The following PTPRD variants were observed in gnomAD, a reference collection of about 807,000 sequenced individuals.
PTPRD encodes the protein receptor-type tyrosine-protein phosphatase delta.
PTPRD carries 34 observed loss-of-function variants against 214.5 expected under a neutral mutation model. The observed-to-expected ratio is 0.16, with a 90% confidence interval of 0.12 to 0.21. The LOEUF (loss-of-function observed/expected upper bound fraction) is 0.21. Among genes scored for constraint, PTPRD ranks in the 10% least tolerant of loss-of-function variants. The pLI, the probability that PTPRD is intolerant of heterozygous loss-of-function variation, is 1.00. For synonymous variants in PTPRD, 1,128 were observed against 845.7 expected, an observed-to-expected ratio of 1.33 and a Z score of -5.79; for missense variants, 2,545 against 2,398.7, an observed-to-expected ratio of 1.06 and a Z score of -1.27.
At chr9:9,242,250 C>T (rs542662464) in intron 9 of PTPRD, among the ~76,000 whole-genome samples, 3 of 152,182 alleles carry the variant, frequency 2.0e-5, no homozygotes, top group East Asian at 1.9e-4. Flanking sequence ...GTGAGTAACC[C>T]GACCTTTCTC....
chr9:9,073,080 A>T (rs2154411392), intron 10 of PTPRD, among the ~76,000 whole-genome samples: 1 of 152,310 alleles, frequency 6.6e-6, no homozygotes, highest in African/African-American at 2.4e-5. Context: ...ATCAGTGGAG[A>T]AATAAAAAGG....
chr9:9,247,252 C>T (rs1443422683), intron 9 of PTPRD, among the ~76,000 whole-genome samples: 5 of 151,986 alleles, frequency 3.3e-5, no homozygotes, highest in Non-Finnish European at 5.9e-5. Context: ...TCAAGAAGAA[C>T]CTGCACAGAC....
intron 2 of PTPRD, among the ~76,000 whole-genome samples, chr9:10,341,834 C>A (rs78495997): frequency 6.6e-6 from 1 of 151,042 alleles, no homozygotes; most frequent in Non-Finnish European, 1.5e-5. Flanking sequence ...AATATTAATT[C>A]TTTTTTCCCC....
chr9:9,069,344 T>C (rs1047996675), intron 10 of PTPRD, among the ~76,000 whole-genome samples: 1 of 152,218 alleles, frequency 6.6e-6, no homozygotes, highest in African/African-American at 2.4e-5. Flanking sequence ...GCCACAGTAG[T>C]ATTCACACAC....
intron 12 of PTPRD, among the ~76,000 whole-genome samples, chr9:8,669,849 G>C (rs2097246849): frequency 1.3e-5 from 2 of 152,164 alleles, no homozygotes; most frequent in South Asian, 4.2e-4. Context: ...TTTGAAGCTA[G>C]AGAGTGAGCA....
At chr9:9,019,086 A>G (rs779794846) in intron 10 of PTPRD, among the ~76,000 whole-genome samples, 1 of 152,116 alleles carries the variant, frequency 6.6e-6, no homozygotes, top group Non-Finnish European at 1.5e-5. Context: ...AACTTGTGCT[A>G]GAAAAACCTA....
intron 8 of PTPRD, among the ~76,000 whole-genome samples, chr9:9,527,955 A>T (rs2074524337): frequency 6.6e-6 from 1 of 152,224 alleles, no homozygotes; most frequent in Non-Finnish European, 1.5e-5. Context: ...GCATTGGATA[A>T]CAAGTAGTGT....
chr9:8,608,048 G>A (rs1564684317), intron 14 of PTPRD, among the ~76,000 whole-genome samples: 1 of 151,990 alleles, frequency 6.6e-6, no homozygotes. Context: ...ATTCTAATCC[G>A]ATAACCCAGT....
intron 4 of PTPRD, among the ~76,000 whole-genome samples, chr9:9,955,527 T>TTTTG (rs1491472122): frequency 1.7e-5 from 2 of 119,406 alleles, no homozygotes; most frequent in African/African-American, 7.2e-5. Flanking sequence ...TTTTGTTTTG[T>TTTTG]TTTTTTTTTT....
chr9:9,548,667 G>A (rs545802131), intron 8 of PTPRD, among the ~76,000 whole-genome samples: 2 of 151,776 alleles, frequency 1.3e-5, no homozygotes, highest in African/African-American at 4.8e-5. Context: ...AAAAGCAAAA[G>A]TATGATAAAA....
intron 10 of PTPRD, among the ~76,000 whole-genome samples, chr9:9,095,173 G>T (rs2099781735): frequency 6.6e-6 from 1 of 151,960 alleles, no homozygotes; most frequent in Admixed American, 6.6e-5. Context: ...AAAAACGGAA[G>T]ATTTTCTTCC....
chr9:9,817,586 A>C (rs1241252916), intron 5 of PTPRD, among the ~76,000 whole-genome samples: 1 of 152,156 alleles, frequency 6.6e-6, no homozygotes, highest in Non-Finnish European at 1.5e-5. Flanking sequence ...TCCATAAAAA[A>C]CTGAATGTAA....
rs73420443 is a variant in PTPRD, at chr9:8,403,079, G to A, written c.4210+1458C>T. Among the ~76,000 whole-genome samples, 351 of 152,210 alleles carry A rather than the reference G, an allele frequency of 2.3e-3. 1 individual carries two copies. Among genetic ancestry groups the A allele is most frequent in the African/African-American group, 8.3e-3 (345 of 41,540 alleles). On this transcript the variant is annotated intron_variant, in intron 36 of 45. Coordinates refer to ENST00000381196, the MANE Select transcript of PTPRD (RefSeq NM_002839.4). ...GATAGTTTTTCTTCCCAAAAAAACT[G>A]GAAACAAATGTATTAATGGCCTATG...
At chr9:10,587,630 G>A (rs1036520165) in intron 2 of PTPRD, among the ~76,000 whole-genome samples, 1 of 152,008 alleles carries the variant, frequency 6.6e-6, no homozygotes, top group Non-Finnish European at 1.5e-5. Context: ...CTGAGATTTG[G>A]AGAAGCCAAA....
At chr9:8,649,318 T>G (rs2096757911) in intron 12 of PTPRD, among the ~76,000 whole-genome samples, 1 of 152,236 alleles carries the variant, frequency 6.6e-6, no homozygotes, top group African/African-American at 2.4e-5. Flanking sequence ...TTTGTAACGC[T>G]TGCCTTCCAA....
intron 9 of PTPRD, among the ~76,000 whole-genome samples, chr9:9,309,208 T>G (rs1958106174): frequency 6.6e-6 from 1 of 151,972 alleles, no homozygotes; most frequent in Non-Finnish European, 1.5e-5. Flanking sequence ...CTGCCTGAAC[T>G]GTATGTTTTT....
intron 9 of PTPRD, among the ~76,000 whole-genome samples, chr9:9,323,493 T>G (rs1014588594): frequency 1.1e-4 from 17 of 152,150 alleles, no homozygotes; most frequent in African/African-American, 4.1e-4. Context: ...TAACTCCACA[T>G]TCAGTGCTTC....
chr9:10,024,684 G>A (rs1050940972), intron 4 of PTPRD, among the ~76,000 whole-genome samples: 1 of 151,174 alleles, frequency 6.6e-6, no homozygotes, highest in Non-Finnish European at 1.5e-5. Context: ...CAACGTGCAG[G>A]TTTGTTACAT....
At chr9:10,557,770 A>G (rs1406250249) in intron 2 of PTPRD, among the ~76,000 whole-genome samples, 1 of 152,200 alleles carries the variant, frequency 6.6e-6, no homozygotes, top group Admixed American at 6.6e-5. Context: ...AGGGCTAAGG[A>G]GGTCATTTCC....
Sources: allele counts gnomAD v4.1 joint callset (sites outside exome capture counted in the v4.1 genomes callset), GRCh38; gene constraint gnomAD v4.1.1; transcripts MANE v1.5; gene names NCBI Gene and HGNC (gene_info 2026-07-23, HGNC 2026-07-21).